SP140: variants seen among roughly 807,000 people sequenced by gnomAD.
The protein encoded by SP140 is nuclear body protein SP140.
SP140 carries 81 observed loss-of-function variants against 125.0 expected under a neutral mutation model. The observed-to-expected ratio is 0.65, with a 90% CI of 0.54 to 0.78. The LOEUF (loss-of-function observed/expected upper bound fraction) is 0.78, where lower values mean the gene tolerates loss of function less well. SP140 is among the 30% of genes least tolerant of loss of function. SP140 has a pLI of 0.00. For missense variants in SP140, 858 were observed against 1,037.0 expected (o/e 0.83, Z 2.37); for synonymous variants, 312 against 354.0 (o/e 0.88, Z 1.33).
At chr2:230,269,686 A>T (rs1271239853) in intron 13 of SP140, 68 bp downstream of exon 13, 7 of 1,157,724 alleles carry the variant, frequency 6.0e-6, no homozygotes, top group Non-Finnish European at 8.7e-6. Flanking sequence ...GAGGAGAAAA[A>T]ATAGACTTAA....
chr2:230,230,411 ATTGCGG>A (rs2047077589), intron 1 of SP140: 1 of 152,172 alleles, frequency 6.6e-6, no homozygotes, highest in Admixed American at 6.5e-5. Context: ...TATAGGAGCA[ATTGCGG>A]TGGTTATGGA....
chr2:230,233,948 G>C (rs2149080077), intron 1 of SP140, among the ~76,000 whole-genome samples: 1 of 152,300 alleles, frequency 6.6e-6, no homozygotes, highest in South Asian at 2.1e-4. Flanking sequence ...ACCTGAAAGG[G>C]TCTTGCACAA....
At chr2:230,312,522 G>A in intron 26 of SP140, 64 bp from the exon 27 acceptor site, 1 of 1,078,518 alleles carries the variant, frequency 9.3e-7, no homozygotes, top group Non-Finnish European at 1.4e-6. Flanking sequence ...ATCATTCTCA[G>A]TTGAAAGGTG....
At chr2:230,227,008 G>C (rs2046528088) in intron 1 of SP140, among the ~76,000 whole-genome samples, 1 of 152,070 alleles carries the variant, frequency 6.6e-6, no homozygotes, top group Non-Finnish European at 1.5e-5. Flanking sequence ...ATGTGCATAG[G>C]TTATATGTAA....
At position 230,286,216 on chromosome 2, in the gene SP140, C is replaced by T. The variant is rs150993929; in HGVS notation, c.1645+384C>T. On this transcript the variant is annotated intron_variant, in intron 17 of 26. Transcript: ENST00000392045. ...CTTTCCTGTCTTGAGCAAGCTCTGTCGCTTTCTTGTTCCCTTTTAAAAACA... is the reference window on the plus strand; with the variant it reads ...CTTTCCTGTCTTGAGCAAGCTCTGTTGCTTTCTTGTTCCCTTTTAAAAACA... Among the ~76,000 whole-genome samples the T allele has an allele frequency of 8.9e-4, 136 of 152,326 alleles. 1 individual carries two copies. The highest frequency in any genetic ancestry group is 3.0e-3 in the African/African-American group (126 of 41,580).
chr2:230,239,045 TAAA>T (rs1559229733), intron 3 of SP140: 3 of 1,402,454 alleles, frequency 2.1e-6, no homozygotes, highest in South Asian at 3.4e-5. Flanking sequence ...TTTTGGAAAA[TAAA>T]GAAGGAATAA....
chr2:230,229,062 A>C (rs1375482982), intron 1 of SP140, among the ~76,000 whole-genome samples: 1 of 151,964 alleles, frequency 6.6e-6, no homozygotes, highest in Non-Finnish European at 1.5e-5. Context: ...CCTTTAAAAC[A>C]TTTTTAGTGG....
intron 22 of SP140, among the ~76,000 whole-genome samples, chr2:230,299,276 G>A (rs1311721223): frequency 6.6e-6 from 1 of 152,234 alleles, no homozygotes; most frequent in Admixed American, 6.5e-5. Flanking sequence ...CAAAGTGTGA[G>A]AGGGAAAAAG....
chr2:230,299,300 A>G (rs1016236413), intron 22 of SP140, among the ~76,000 whole-genome samples: 1 of 152,236 alleles, frequency 6.6e-6, no homozygotes, highest in Admixed American at 6.5e-5. Context: ...ACCTCTGAAC[A>G]CATATCCTCA....
upstream of SP140, among the ~76,000 whole-genome samples, chr2:230,202,031 G>A (rs376240121): frequency 3.3e-3 from 503 of 152,280 alleles, 3 homozygotes; most frequent in African/African-American, 0.012. Flanking sequence ...AGAAACAGTT[G>A]TAGGAATCCA....
intron 15 of SP140, among the ~76,000 whole-genome samples, chr2:230,278,590 A>C (rs978921383): frequency 6.6e-6 from 1 of 151,970 alleles, no homozygotes. Flanking sequence ...AACCTCAAGG[A>C]GCTTTTCCTC....
In SP140 at chr2:230,287,960, T is replaced by A. The variant is rs1289781570; in HGVS notation, c.1714T>A (p.Ser572Thr). 2 of 1,610,926 alleles carry A rather than the reference T, an allele frequency of 1.2e-6. No individual in the cohort carries two copies. The highest frequency in any genetic ancestry group is 2.7e-5 in the African/African-American group (2 of 74,734). Residue 572 changes from serine (S) to threonine (T), a missense_variant, in exon 18 of 27, where the codon TCA becomes ACA. Ser to Thr is a moderately conservative substitution (Grantham distance 58). This residue lies in a region of SP140 where 791 missense variants were observed against 869.5 expected (regional missense o/e 0.91). Transcript: ENST00000392045. The stretch of plus-strand genomic sequence containing the variant: ...CAGAGCTGCACAGAAAAGAGTCCGA[T>A]CAAGAGGTAAAAAAGAAAACAGGAA... ...SDRAAQKRVR[S>T]RASRKHKDET...
intron 12 of SP140, among the ~76,000 whole-genome samples, chr2:230,259,381 G>C (rs1334121183): frequency 6.6e-6 from 1 of 151,948 alleles, no homozygotes; most frequent in East Asian, 1.9e-4. Flanking sequence ...ACTTCACTTA[G>C]GATGATAGTC....
intron 15 of SP140, among the ~76,000 whole-genome samples, chr2:230,280,114 G>T (rs1575177108): frequency 6.6e-6 from 1 of 152,046 alleles, no homozygotes; most frequent in Non-Finnish European, 1.5e-5. Context: ...TGCTCCATCA[G>T]ATTTGCATAC....
chr2:230,294,405 G>A, intron 21 of SP140, 87 bp downstream of exon 21: 10 of 1,023,068 alleles, frequency 9.8e-6, no homozygotes, highest in Non-Finnish European at 1.5e-5. Flanking sequence ...CTGAAATTGG[G>A]TAGGAATAAT....
chr2:230,199,841 T>C (rs1319260667), upstream of SP140, among the ~76,000 whole-genome samples: 2 of 152,226 alleles, frequency 1.3e-5, no homozygotes, highest in East Asian at 3.9e-4. Flanking sequence ...GACAAAGGTT[T>C]GACAGTATTC....
intron 15 of SP140, among the ~76,000 whole-genome samples, chr2:230,276,399 G>A (rs1386301629): frequency 6.6e-6 from 1 of 152,108 alleles, no homozygotes; most frequent in Non-Finnish European, 1.5e-5. Flanking sequence ...ATAAAGCCCA[G>A]ATCATAGAAC....
intron 1 of SP140, among the ~76,000 whole-genome samples, chr2:230,231,451 A>G (rs1013974254): frequency 6.6e-5 from 10 of 152,334 alleles, no homozygotes; most frequent in African/African-American, 2.4e-4. Context: ...TGTAGGTGGC[A>G]GAGGTGTCAA....
chr2:230,239,032 A>C (rs2048356689), intron 3 of SP140: 1 of 1,406,644 alleles, frequency 7.1e-7, no homozygotes, highest in South Asian at 1.7e-5. Context: ...TCTGGAGTTT[A>C]ATTTTTGGAA....
Sources: gnomAD v4.1 joint callset for allele counts (sites outside exome capture counted in the v4.1 genomes callset) on GRCh38, gnomAD v4.1.1 for gene constraint, gnomAD v4.1.1 regional missense constraint, MANE v1.5 for transcripts, NCBI Gene and HGNC (gene_info 2026-07-23, HGNC 2026-07-21) for gene names.